The following JARID2 variants were observed in gnomAD, a reference collection of about 807,000 sequenced individuals.
JARID2 encodes protein Jumonji.
In JARID2, 21 loss-of-function variants were observed where a neutral mutation model predicts 125.6. That is an observed-to-expected ratio of 0.17 (90% CI 0.12 to 0.24). The LOEUF is 0.24. JARID2 is among the 10% of genes least tolerant of loss of function. The pLI, the probability that JARID2 is intolerant of heterozygous loss-of-function variation, is 1.00. For synonymous variants in JARID2, 736 were observed against 661.6 expected, an observed-to-expected ratio of 1.11 and a Z score of -1.73; for missense variants, 1,303 against 1,639.6, an observed-to-expected ratio of 0.79 and a Z score of 3.55.
intron 1 of JARID2, among the ~76,000 whole-genome samples, chr6:15,255,463 G>C (rs34488826): frequency 0.023 from 3,553 of 152,206 alleles, 65 homozygotes; most frequent in Non-Finnish European, 0.025. Context: ...GAGTGAAAAG[G>C]ATAGGTTGTG....
intron 5 of JARID2, among the ~76,000 whole-genome samples, chr6:15,470,709 G>A (rs1170926374): frequency 1.2e-5 from 1 of 83,272 alleles, no homozygotes; most frequent in East Asian, 5.5e-4. Flanking sequence ...ACCTGCAGCT[G>A]TGGTCATCAG....
intron 2 of JARID2, among the ~76,000 whole-genome samples, chr6:15,379,168 A>ATT (rs201864235): frequency 1.6e-4 from 23 of 147,078 alleles, no homozygotes; most frequent in Middle Eastern, 3.5e-3. Flanking sequence ...CAAGGAATGA[A>ATT]TTTTTTTTTT....
chr6:15,434,043 C>A lies in JARID2; in HGVS notation c.324-17963C>A, dbSNP rs76028789. 1.3e-3 allele frequency among the ~76,000 whole-genome samples: 201 copies of A among 151,268 alleles called. 3 individuals carry two copies. In the East Asian group the frequency reaches 0.032, roughly 24 times the overall value. ...CTTTCCCTGGTTTCACATGTTTCAG[C>A]TTGGCATGAGACAGTTTATACCCAG... On this transcript the variant is annotated intron_variant, in intron 3 of 17. Transcript: ENST00000341776.
chr6:15,320,774 A>G lies in JARID2; in HGVS notation c.46-53343A>G, dbSNP rs114080776. Among the ~76,000 whole-genome samples, 1,261 of 152,206 alleles carry G rather than the reference A, an allele frequency of 8.3e-3. 28 individuals are homozygous for G. The highest frequency in any genetic ancestry group is 0.028 in the African/African-American group (1,156 of 41,506). Reference sequence around the variant, plus strand: ...GGCCTCTAATTCATTTTCATATGCAATATATGTAAATTAGAGACCAATCTA... The same window carrying G: ...GGCCTCTAATTCATTTTCATATGCAGTATATGTAAATTAGAGACCAATCTA... On this transcript the variant is annotated intron_variant, in intron 1 of 17. Coordinates refer to ENST00000341776, the MANE Select transcript of JARID2 (RefSeq NM_004973.4).
chr6:15,372,453 A>G (rs1764206409), intron 1 of JARID2, among the ~76,000 whole-genome samples: 1 of 151,934 alleles, frequency 6.6e-6, no homozygotes, highest in Admixed American at 6.6e-5. Context: ...CCGCCTCCCC[A>G]GGTTCAAGTG....
At chr6:15,337,344 G>C (rs1379723703) in intron 1 of JARID2, among the ~76,000 whole-genome samples, 2 of 152,216 alleles carry the variant, frequency 1.3e-5, no homozygotes, top group African/African-American at 4.8e-5. Flanking sequence ...GATGTTCCTA[G>C]AGGTGCCATG....
At chr6:15,267,370 T>C (rs1283256968) in intron 1 of JARID2, among the ~76,000 whole-genome samples, 1 of 152,160 alleles carries the variant, frequency 6.6e-6, no homozygotes, top group African/African-American at 2.4e-5. Context: ...GCAAAAGGCA[T>C]GTCAGCAACC....
At chr6:15,446,958 C>T (rs1767697338) in intron 3 of JARID2, among the ~76,000 whole-genome samples, 1 of 152,196 alleles carries the variant, frequency 6.6e-6, no homozygotes, top group African/African-American at 2.4e-5. Flanking sequence ...GGGTGGGTCT[C>T]ACCCTTCTCC....
At chr6:15,276,615 A>T (rs929237221) in intron 1 of JARID2, among the ~76,000 whole-genome samples, 1 of 152,086 alleles carries the variant, frequency 6.6e-6, no homozygotes, top group Admixed American at 6.6e-5. Context: ...GACTTTCTAG[A>T]AGCCCTGTTG....
chr6:15,427,194 G>C (rs902213066), intron 3 of JARID2, among the ~76,000 whole-genome samples: 1 of 152,108 alleles, frequency 6.6e-6, no homozygotes, highest in African/African-American at 2.4e-5. Context: ...ACCACACTCT[G>C]TCCTAAGAGT....
intron 3 of JARID2, among the ~76,000 whole-genome samples, chr6:15,427,223 A>T (rs942777836): frequency 6.6e-6 from 1 of 152,152 alleles, no homozygotes; most frequent in Non-Finnish European, 1.5e-5. Context: ...TGTGAGTTGT[A>T]GTGTGATGGA....
chr6:15,499,150 G>C (rs1328435255), intron 7 of JARID2, among the ~76,000 whole-genome samples: 2 of 152,200 alleles, frequency 1.3e-5, no homozygotes, highest in Admixed American at 6.5e-5. Context: ...GTACTGACCT[G>C]TCTGTGACCC....
At chr6:15,406,838 C>T (rs1457114458) in intron 2 of JARID2, among the ~76,000 whole-genome samples, 2 of 152,148 alleles carry the variant, frequency 1.3e-5, no homozygotes, top group South Asian at 2.1e-4. Context: ...TACATTTATG[C>T]TTCTTAGACA....
intron 1 of JARID2, among the ~76,000 whole-genome samples, chr6:15,343,109 A>G (rs938592931): frequency 1.3e-5 from 2 of 151,988 alleles, no homozygotes; most frequent in Non-Finnish European, 2.9e-5. Context: ...CATATCTGTA[A>G]TCGCAGCTAC....
At chr6:15,314,563 G>C (rs1033686702) in intron 1 of JARID2, among the ~76,000 whole-genome samples, 1 of 152,198 alleles carries the variant, frequency 6.6e-6, no homozygotes, top group African/African-American at 2.4e-5. Flanking sequence ...TTGAGAGCTA[G>C]TTATAAATCA....
chr6:15,471,256 T>G (rs1769062680), intron 5 of JARID2, among the ~76,000 whole-genome samples: 1 of 152,220 alleles, frequency 6.6e-6, no homozygotes, highest in East Asian at 1.9e-4. Context: ...CACCAGGAAT[T>G]TATCATTTTG....
rs148320430 is a variant in JARID2 at position 15,305,447 on chromosome 6, C to T, written c.45+58863C>T. On this transcript the variant is annotated intron_variant, in intron 1 of 17. Coordinates refer to ENST00000341776, the MANE Select transcript of JARID2 (RefSeq NM_004973.4). ...CTTTGGTTGTTTCCAGTTTTCGCCA[C>T]GCTAAATTTCATTCCCCATCCTCCT... Among the ~76,000 whole-genome samples, 10 of 152,314 alleles carry T rather than the reference C, an allele frequency of 6.6e-5. No individual in the cohort carries two copies. In the East Asian group the frequency reaches 1.5e-3, roughly 23 times the overall value.
At chr6:15,391,055 T>C (rs1041429607) in intron 2 of JARID2, among the ~76,000 whole-genome samples, 1 of 152,154 alleles carries the variant, frequency 6.6e-6, no homozygotes, top group African/African-American at 2.4e-5. Context: ...ATTATTGAGG[T>C]TGTAGATATA....
intron 3 of JARID2, among the ~76,000 whole-genome samples, chr6:15,412,670 A>C (rs550837013): frequency 6.6e-6 from 1 of 152,288 alleles, no homozygotes; most frequent in Admixed American, 6.5e-5. Flanking sequence ...AAGTCTTAAG[A>C]ACTCCTTTGT....
Sources: gnomAD v4.1 joint callset for allele counts (sites outside exome capture counted in the v4.1 genomes callset) on GRCh38, gnomAD v4.1.1 for gene constraint, MANE v1.5 for transcripts, NCBI Gene and HGNC (gene_info 2026-07-23, HGNC 2026-07-21) for gene names.